Variants in PCDHGB3 observed in about 807,000 individuals in gnomAD.
PCDHGB3 encodes protocadherin gamma subfamily B, 3.
Under a neutral mutation model 59.2 loss-of-function variants are expected in PCDHGB3, and 40 were observed. That is an observed-to-expected ratio of 0.68 (90% confidence interval 0.52 to 0.88). The LOEUF (loss-of-function observed/expected upper bound fraction) is 0.88, where lower values mean the gene tolerates loss of function less well. PCDHGB3 is among the 40% of genes least tolerant of loss of function. The pLI is 0.00. For missense variants in PCDHGB3, 1,309 were observed against 1,187.9 expected (o/e 1.10, Z -1.50); for synonymous variants, 581 against 503.6 (o/e 1.15, Z -2.06).
intron 1 of PCDHGB3, chr5:141,478,644 T>C (rs1217932733): frequency 6.4e-7 from 1 of 1,552,238 alleles, no homozygotes. Flanking sequence ...GATGAAGATG[T>C]TTTCCTGGTG....
intron 1 of PCDHGB3, chr5:141,392,138 G>C (rs1212519982): frequency 6.6e-6 from 1 of 152,142 alleles, no homozygotes; most frequent in Non-Finnish European, 1.5e-5. Context: ...TGATTAAGTA[G>C]TTTAAACCAA....
Position 141,371,438 on chromosome 5 carries a change from CCTGGCTT to C in PCDHGB3, c.1048_1054del (p.Ala350AsnfsTer17), listed in dbSNP as rs750409810. 1 of 1,613,882 alleles carries C rather than the reference CCTGGCTT, an allele frequency of 6.2e-7. No homozygotes were observed. Among genetic ancestry groups the C allele is most frequent in the Non-Finnish European group, 8.5e-7 (1 of 1,179,848 alleles). On this transcript the variant is annotated frameshift_variant, in exon 1 of 4. Transcript: ENST00000576222. LOFTEE classifies it high-confidence loss of function. Reference sequence around the variant, plus strand: ...AAAATGACAATGCCCCGGAGATAACCCTGGCTTCTGAATCCCAACATATACAAGAAGA... The same window carrying C: ...AAAATGACAATGCCCCGGAGATAACCCTGAATCCCAACATATACAAGAAGA...
At chr5:141,409,734 G>A in intron 1 of PCDHGB3, 1 of 1,613,144 alleles carries the variant, frequency 6.2e-7, no homozygotes, top group East Asian at 2.2e-5. Flanking sequence ...AGCGCGCAGA[G>A]CGGGGTGGTG....
intron 1 of PCDHGB3, chr5:141,421,516 T>C (rs199973694): frequency 6.8e-6 from 11 of 1,614,064 alleles, no homozygotes; most frequent in Non-Finnish European, 9.3e-6. Context: ...GGAGGAGCTC[T>C]GTGAGACGGT....
rs918375556 is a variant in PCDHGB3, at chr5:141,489,318, G to C, written c.2416-5489G>C. 6.3e-7 allele frequency: 1 copy of C among 1,598,974 alleles called. No individual in the cohort carries two copies. Among genetic ancestry groups the C allele is most frequent in the African/African-American group, 1.3e-5 (1 of 74,510 alleles). On this transcript the variant is annotated intron_variant, in intron 1 of 3. Coordinates refer to ENST00000576222, the MANE Select transcript of PCDHGB3 (RefSeq NM_018924.5). The surrounding 1 kb of genome is among the most constrained non-coding windows in gnomAD (Gnocchi z 4.5). ...TGTTGTCCTTGTGCTGCTGGGGCTG[G>C]GTGTCTGGGCAGCTTCGTTACTCAG...
At chr5:141,427,774 G>A (rs760144039) in intron 1 of PCDHGB3, 1 of 1,420,908 alleles carries the variant, frequency 7.0e-7, no homozygotes, top group Non-Finnish European at 9.8e-7. Context: ...TTGGAGCTGC[G>A]GGCACTGTCG....
chr5:141,432,449 T>C lies in PCDHGB3; in HGVS notation c.2415+59640T>C. 5.6e-6 allele frequency: 9 copies of C among 1,614,220 alleles called. No individual in the cohort carries two copies. The highest frequency in any genetic ancestry group is 7.6e-6 in the Non-Finnish European group (9 of 1,180,038). On this transcript the variant is annotated intron_variant, in intron 1 of 3. Coordinates refer to ENST00000576222, the MANE Select transcript of PCDHGB3 (RefSeq NM_018924.5). The surrounding 1 kb of genome is among the most constrained non-coding windows in gnomAD (Gnocchi z 6.0). The stretch of plus-strand genomic sequence containing the variant: ...GAACGACAATGCGCCCGAGATCCTG[T>C]ACCCCGCCCTCCCCACGGACGGTTC...
At chr5:141,374,343 C>G (rs753543776) in intron 1 of PCDHGB3, 3 of 1,613,872 alleles carry the variant, frequency 1.9e-6, no homozygotes, top group African/African-American at 1.3e-5. Context: ...TTGGTCACCG[C>G]GGGTAGGATA....
chr5:141,376,188 G>A (rs1772391716), intron 1 of PCDHGB3: 2 of 1,614,124 alleles, frequency 1.2e-6, no homozygotes, highest in South Asian at 2.2e-5. Context: ...GCGGTCTCCT[G>A]CGTCTTCCTG....
chr5:141,438,714 G>A (rs1051491309), intron 1 of PCDHGB3, among the ~76,000 whole-genome samples: 1 of 147,786 alleles, frequency 6.8e-6, no homozygotes, highest in South Asian at 2.2e-4. Flanking sequence ...AGGCTGGAGT[G>A]CAAGTGGTGT....
chr5:141,451,579 A>G (rs1222576609), intron 1 of PCDHGB3, among the ~76,000 whole-genome samples: 1 of 152,084 alleles, frequency 6.6e-6, no homozygotes, highest in Non-Finnish European at 1.5e-5. Flanking sequence ...TTATAAACCT[A>G]ATTTTGAAAG....
At position 141,382,899 on chromosome 5, in the gene PCDHGB3, T is replaced by C. The variant is rs148952660; in HGVS notation, c.2415+10090T>C. On this transcript the variant is annotated intron_variant, in intron 1 of 3. Transcript: ENST00000576222. ...GCCTAAGCAAGAGAAGCAGGACGAC[T>C]ATGGCGGCTCAGCCGAGGGGCGGGG... 463 of 1,541,826 alleles carry C rather than the reference T, an allele frequency of 3.0e-4. 2 individuals carry two copies. In the African/African-American group the frequency reaches 5.3e-3, roughly 18 times the overall value.
chr5:141,386,911 G>A (rs1312159511), intron 1 of PCDHGB3, among the ~76,000 whole-genome samples: 2 of 152,190 alleles, frequency 1.3e-5, no homozygotes, highest in South Asian at 2.1e-4. Flanking sequence ...AGGTCACCAA[G>A]GAATGTAAAA....
chr5:141,384,828 G>T (rs746957314), intron 1 of PCDHGB3: 2 of 1,613,488 alleles, frequency 1.2e-6, no homozygotes, highest in African/African-American at 1.3e-5. Flanking sequence ...AGAGCCTCGT[G>T]GTGGCCGTCC....
intron 1 of PCDHGB3, chr5:141,417,649 C>G (rs1294192479): frequency 1.2e-6 from 1 of 826,168 alleles, no homozygotes; most frequent in East Asian, 2.8e-5. Flanking sequence ...CCCTCAGCCT[C>G]TAGCCTGGGA....
chr5:141,439,042 A>C (rs2098084096), intron 1 of PCDHGB3, among the ~76,000 whole-genome samples: 1 of 151,642 alleles, frequency 6.6e-6, no homozygotes, highest in Non-Finnish European at 1.5e-5. Context: ...TCAGTTCATA[A>C]GATTTCCATA....
At chr5:141,415,853 G>C (rs2154546169) in intron 1 of PCDHGB3, 1 of 1,186,350 alleles carries the variant, frequency 8.4e-7, no homozygotes, top group Admixed American at 4.0e-5. Context: ...GCAGAACCTT[G>C]TAGTTTATAG....
intron 1 of PCDHGB3, among the ~76,000 whole-genome samples, chr5:141,379,889 C>CTTTTTTTTTGTTTTTTTTTTTTTTTTT (rs1775948001): frequency 2.0e-5 from 1 of 50,830 alleles, no homozygotes; most frequent in Non-Finnish European, 3.9e-5. Context: ...GTGAAAGCCT[C>CTTTTTTTTTGTTTTTTTTTTTTTTTTT]TTTTTTTTTT....
Position 141,511,590 on chromosome 5 carries a change from A to C in PCDHGB3, c.*417A>C, listed in dbSNP as rs2099883868. On this transcript the variant is annotated 3_prime_UTR_variant, in exon 4 of 4. Transcript: ENST00000576222. ...AGTAAGGTGGTTGGGGTGTTGAAGT[A>C]CCAAGTAACCTACAAGCCTCCTAGT... The C allele has an allele frequency of 3.7e-6, 1 of 267,790 alleles. No homozygotes were observed. Among genetic ancestry groups the C allele is most frequent in the Admixed American group, 4.8e-5 (1 of 20,946 alleles). The allele number at this position is 267,790 out of a possible 1,614,324, so 16.6% of individuals were successfully genotyped here.
Sources: allele counts gnomAD v4.1 joint callset (sites outside exome capture counted in the v4.1 genomes callset), GRCh38; gene constraint gnomAD v4.1.1; non-coding constraint Gnocchi (gnomAD v3.1); transcripts MANE v1.5; gene names NCBI Gene and HGNC (gene_info 2026-07-23, HGNC 2026-07-21).